Variants in SASH1 observed in about 807,000 individuals in gnomAD.
SASH1 encodes the protein SAM and SH3 domain-containing protein 1.
A neutral mutation model predicts 125.2 loss-of-function variants in SASH1; 44 were observed. The observed-to-expected ratio is 0.35, with a 90% CI of 0.28 to 0.45. SASH1 has a LOEUF of 0.45. Among genes scored for constraint, SASH1 ranks in the 20% least tolerant of loss-of-function variants. The pLI, the probability that SASH1 is intolerant of heterozygous loss-of-function variation, is 1.00. For synonymous variants in SASH1, 639 were observed against 649.1 expected (o/e 0.98, Z 0.24); for missense variants, 1,426 against 1,614.5 (o/e 0.88, Z 2.00).
rs558967772 is a variant in SASH1 at position 148,434,263 on chromosome 6, G to T, written c.286-5921G>T. On this transcript the variant is annotated intron_variant, in intron 2 of 19. Coordinates refer to ENST00000367467, the MANE Select transcript of SASH1 (RefSeq NM_015278.5). ...GGCTAATTTTTTGTATTTTAGTAGA[G>T]ATGGGGTTTCACCGTGTTAGCCAGG... 7.9e-5 allele frequency among the ~76,000 whole-genome samples: 12 copies of T among 152,088 alleles called. No individual in the cohort carries two copies. In the South Asian group the frequency reaches 1.7e-3, roughly 21 times the overall value.
At chr6:148,460,462 G>A (rs566676958) in intron 4 of SASH1, among the ~76,000 whole-genome samples, 5 of 152,164 alleles carry the variant, frequency 3.3e-5, no homozygotes, top group African/African-American at 1.2e-4. Flanking sequence ...AGATTAGATG[G>A]TATTACTGTT....
chr6:148,409,037 C>T (rs897422918), intron 2 of SASH1, among the ~76,000 whole-genome samples: 4 of 152,230 alleles, frequency 2.6e-5, no homozygotes, highest in Admixed American at 1.3e-4. Context: ...GCCGCTTTCT[C>T]TGCAGGCTCT....
chr6:148,393,975 C>T lies in SASH1; in HGVS notation c.285+3713C>T, dbSNP rs1783843261. Among the ~76,000 whole-genome samples, 3 of 150,002 alleles carry T rather than the reference C, an allele frequency of 2.0e-5. No individual in the cohort carries two copies. The South Asian group carries it at 6.3e-4, about 32-fold the overall frequency. On this transcript the variant is annotated intron_variant, in intron 2 of 19. Transcript: ENST00000367467. ...TGTCATGGTCTCGGCTCACTGCAAC[C>T]TCTGCCTCCTGGGTTTAAGTAGTTC...
At chr6:148,358,278 C>A (rs1444312767) in intron 1 of SASH1, among the ~76,000 whole-genome samples, 1 of 152,098 alleles carries the variant, frequency 6.6e-6, no homozygotes, top group Admixed American at 6.6e-5. Flanking sequence ...CTGTAGGTCA[C>A]CGATGGCTCC....
At position 148,544,134 on chromosome 6, in the gene SASH1, C is replaced by T. The variant is rs763114501; in HGVS notation, c.2664C>T (p.Val888=). The change falls in exon 18 of 20, where the codon GTC becomes GTT. Residue 888 remains valine (V), a synonymous_variant. Coordinates refer to ENST00000367467, the MANE Select transcript of SASH1 (RefSeq NM_015278.5). The surrounding 1 kb of genome is among the most constrained non-coding windows in gnomAD (Gnocchi z 6.4). ...KAQPLEQDSA[V]DNALLLTQSK... The stretch of plus-strand genomic sequence containing the variant: ...AGCCCCTGGAGCAAGACTCTGCTGT[C>T]GACAATGCATTGCTACTGACCCAAA... 16 of 1,613,922 alleles carry T rather than the reference C, an allele frequency of 9.9e-6. No individual in the cohort carries two copies. Among genetic ancestry groups the T allele is most frequent in the Middle Eastern group, 3.3e-4 (2 of 6,084 alleles).
At chr6:148,419,090 C>T (rs931769469) in intron 2 of SASH1, among the ~76,000 whole-genome samples, 10 of 152,160 alleles carry the variant, frequency 6.6e-5, no homozygotes, top group African/African-American at 2.4e-4. Context: ...CAAAAACAGA[C>T]AAATCCTCTC....
chr6:148,485,607 G>A (rs140822695), intron 7 of SASH1, among the ~76,000 whole-genome samples: 146 of 152,272 alleles, frequency 9.6e-4, no homozygotes, highest in African/African-American at 3.2e-3. Context: ...ACATAGAGGG[G>A]TTAAATAATT....
the SASH1 span, among the ~76,000 whole-genome samples, chr6:148,220,227 C>T: frequency 5.3e-5 from 8 of 152,160 alleles, no homozygotes; most frequent in African/African-American, 1.4e-4. Flanking sequence ...GTGAGGGCCC[C>T]GTCTCTGCTT....
intron 1 of SASH1, among the ~76,000 whole-genome samples, chr6:148,302,531 C>T (rs1779992913): frequency 6.6e-6 from 1 of 151,008 alleles, no homozygotes; most frequent in African/African-American, 2.4e-5. Context: ...GTTTTTGTTA[C>T]TTCATGCTGC....
rs946477663 is a variant in SASH1 at position 148,468,426 on chromosome 6, T to C, written c.387-119T>C. ...GAAAAAGCCAGTGGTAAATAGCCTA[T>C]AACAATTTCCCTGGCTGTATTAAGT... On this transcript the variant is annotated intron_variant, in intron 4 of 19. Coordinates refer to ENST00000367467, the MANE Select transcript of SASH1 (RefSeq NM_015278.5). 5 of 719,570 alleles carry C rather than the reference T, an allele frequency of 6.9e-6. No homozygotes were observed. In the Admixed American group the frequency reaches 1.0e-4, roughly 15 times the overall value. 44.6% of individuals were successfully genotyped at this position (719,570 alleles called of 1,614,324 possible). A position where few individuals can be genotyped will look rare whatever the true frequency, so the allele number is the denominator to read the frequency against.
At chr6:148,361,953 G>A (rs1265898907) in intron 1 of SASH1, among the ~76,000 whole-genome samples, 3 of 130,468 alleles carry the variant, frequency 2.3e-5, no homozygotes, top group South Asian at 2.4e-4. Flanking sequence ...TCACTCTGTC[G>A]CCCAGGCTGG....
chr6:148,374,697 T>A (rs1018399038), intron 1 of SASH1, among the ~76,000 whole-genome samples: 3 of 112,016 alleles, frequency 2.7e-5, no homozygotes, highest in African/African-American at 1.1e-4. Flanking sequence ...GTTTACAGCA[T>A]TTTTTTTGGG....
At chr6:148,263,377 G>C in the SASH1 span, among the ~76,000 whole-genome samples, 21 of 152,288 alleles carry the variant, frequency 1.4e-4, no homozygotes, top group South Asian at 4.4e-3. Flanking sequence ...ACAGCATTTT[G>C]ATACAAACAG....
chr6:148,537,831 T>TGTGTGTGTGTGTGTGTGG (rs1491316465), intron 16 of SASH1, among the ~76,000 whole-genome samples: 2 of 132,604 alleles, frequency 1.5e-5, no homozygotes, highest in Non-Finnish European at 3.2e-5. Context: ...TGTGTGTGTG[T>TGTGTGTGTGTGTGTGTGG]GGTTGGTGAG....
chr6:148,360,710 G>C (rs1474317667), intron 1 of SASH1, among the ~76,000 whole-genome samples: 1 of 150,028 alleles, frequency 6.7e-6, no homozygotes, highest in Non-Finnish European at 1.5e-5. Context: ...CTAGTAATAA[G>C]AGTAAGGATA....
At chr6:148,487,909 T>C (rs1778948663) in intron 8 of SASH1, among the ~76,000 whole-genome samples, 194 bp downstream of exon 8, 2 of 150,928 alleles carry the variant, frequency 1.3e-5, no homozygotes, top group Non-Finnish European at 2.9e-5. Context: ...GTTATCATGC[T>C]GGGGTTTTGT....
At chr6:148,459,778 A>G (rs1001798915) in intron 4 of SASH1, among the ~76,000 whole-genome samples, 2 of 152,344 alleles carry the variant, frequency 1.3e-5, no homozygotes, top group Non-Finnish European at 2.9e-5. Context: ...TAGTAAGTAA[A>G]GTAAAAGTCA....
intron 1 of SASH1, among the ~76,000 whole-genome samples, chr6:148,324,710 G>T (rs556615575): frequency 3.0e-4 from 45 of 152,196 alleles, no homozygotes; most frequent in Non-Finnish European, 5.4e-4. Flanking sequence ...TAGACTCTGG[G>T]CTGAGCTTTC....
intron 8 of SASH1, among the ~76,000 whole-genome samples, chr6:148,501,247 G>C (rs1277528545): frequency 6.6e-6 from 1 of 152,136 alleles, no homozygotes; most frequent in Non-Finnish European, 1.5e-5. Context: ...TGTCGGAGAA[G>C]TCATCGTGCC....
Sources: gnomAD v4.1 joint callset for allele counts (sites outside exome capture counted in the v4.1 genomes callset) on GRCh38, gnomAD v4.1.1 for gene constraint, Gnocchi (gnomAD v3.1) non-coding constraint, MANE v1.5 for transcripts, NCBI Gene and HGNC (gene_info 2026-07-23, HGNC 2026-07-21) for gene names.